Variants in BCAM observed in about 807,000 individuals in gnomAD.
BCAM encodes basal cell adhesion molecule.
In BCAM, 61 loss-of-function variants were observed where a neutral mutation model predicts 72.4. That is an observed-to-expected ratio of 0.84 (90% CI 0.69 to 1.04). BCAM has a LOEUF of 1.04. Ranked by LOEUF, BCAM falls within the 50% of genes least tolerant of loss-of-function variation. BCAM has a pLI of 0.00. For missense variants in BCAM, 909 were observed against 895.0 expected (o/e 1.02, Z -0.20); for synonymous variants, 408 against 384.2 (o/e 1.06, Z -0.73).
intron 1 of BCAM, among the ~76,000 whole-genome samples, chr19:44,810,582 A>G (rs1025125506): frequency 1.3e-5 from 2 of 152,194 alleles, no homozygotes; most frequent in African/African-American, 4.8e-5. Context: ...AGGGACAGAG[A>G]TGGAGACCCA....
rs148674435 is a variant in BCAM at position 44,818,813 on chromosome 19, G to A, written c.1267G>A (p.Val423Ile). 33 of 1,613,960 alleles carry A rather than the reference G, an allele frequency of 2.0e-5. No individual in the cohort carries two copies. The African/African-American group carries it at 2.1e-4, about 10-fold the overall frequency. Residue 423 changes from valine to isoleucine, a missense_variant, in exon 10 of 15, where the codon GTA (valine) becomes ATA (isoleucine). By Grantham distance (29) the Val-to-Ile change is conservative. Transcript: ENST00000270233. This position sits in a 1 kb window ranked among gnomAD's most constrained non-coding sequence, Gnocchi z 4.6. Reference protein sequence around the residue: ...SITFDSNGTYVCEASLPTVPV... With the variant: ...SITFDSNGTYICEASLPTVPV... Reference sequence around the variant, plus strand: ...CACCTTCGATTCCAATGGCACCTACGTATGTGAGGCCTCCCTGCCCACAGT... The same window carrying A: ...CACCTTCGATTCCAATGGCACCTACATATGTGAGGCCTCCCTGCCCACAGT...
chr19:44,810,357 G>A (rs1256541479), intron 1 of BCAM, among the ~76,000 whole-genome samples: 1 of 152,100 alleles, frequency 6.6e-6, no homozygotes, highest in Admixed American at 6.5e-5. Context: ...CCAAGAGGCG[G>A]CTGGGGGCTC....
intron 1 of BCAM, among the ~76,000 whole-genome samples, chr19:44,810,767 C>G (rs1360561947): frequency 6.6e-6 from 1 of 152,202 alleles, no homozygotes; most frequent in Non-Finnish European, 1.5e-5. Flanking sequence ...AGTATTACCC[C>G]AGGAGTGTTC....
Position 44,812,646 on chromosome 19 carries a change from G to T in BCAM, c.504+98G>T. On this transcript the variant is annotated intron_variant, in intron 4 of 14. Transcript: ENST00000270233. This position sits in a 1 kb window ranked among gnomAD's most constrained non-coding sequence, Gnocchi z 5.3. Reference sequence around the variant, plus strand: ...AGGGAGGAGGGGCTGGGGACCCCTGGGTAATAAAGGAGGAGGGGTAAGGCC... The same window carrying T: ...AGGGAGGAGGGGCTGGGGACCCCTGTGTAATAAAGGAGGAGGGGTAAGGCC... The T allele has an allele frequency of 7.0e-7, 1 of 1,421,106 alleles. No individual in the cohort carries two copies. Among genetic ancestry groups the T allele is most frequent in the Non-Finnish European group, 9.6e-7 (1 of 1,041,914 alleles). The allele number at this position is 1,421,106 out of a possible 1,614,324, so 88.0% of individuals were successfully genotyped here.
rs1568574840 is a variant in BCAM at position 44,819,685 on chromosome 19, A to AG, written c.1727dup (p.Cys578LeufsTer130). The stretch of plus-strand genomic sequence containing the variant: ...CTGTCTTCTACTGCGTGAGACGCAA[A>AG]GGGGGCCCCTGCTGCCGCCAGCGGC... On this transcript the variant is annotated frameshift_variant, in exon 13 of 15. Coordinates refer to ENST00000270233, the MANE Select transcript of BCAM (RefSeq NM_005581.5). LOFTEE classifies it high-confidence loss of function. The AG allele has an allele frequency of 5.6e-6, 9 of 1,612,450 alleles. No homozygotes were observed. Among genetic ancestry groups the AG allele is most frequent in the Non-Finnish European group, 6.8e-6 (8 of 1,179,156 alleles).
rs547614116 is a variant in BCAM, at chr19:44,819,064, G to A, written c.1345G>A (p.Glu449Lys). Residue 449 changes from glutamate to lysine, a missense_variant, in exon 11 of 15, where the codon GAG (glutamate) becomes AAG (lysine). Physicochemically the swap from Glu to Lys is moderately conservative, Grantham distance 56. Transcript: ENST00000270233. The part of the protein sequence containing the change: ...NFTLLVQGSP[E>K]LKTAEIEPKA... ...ATCCCCACCACCCACAGGCTCGCCAGAGCTAAAGACAGCGGAAATAGAGCC... is the reference window on the plus strand; with the variant it reads ...ATCCCCACCACCCACAGGCTCGCCAAAGCTAAAGACAGCGGAAATAGAGCC... The A allele has an allele frequency of 6.2e-7, 1 of 1,613,964 alleles. No homozygotes were observed. The highest frequency in any genetic ancestry group is 2.2e-5 in the East Asian group (1 of 44,874).
rs1411219349 is a variant in BCAM, at chr19:44,814,234, G to T, written c.867G>T (p.Leu289=). ...TACGCGAGGGTGACACTGTCCAGCT[G>T]CTCTGCCGGGGGGACGGCAGCCCCA... is the stretch of plus-strand genomic sequence containing the variant. ...GWVREGDTVQ[L]LCRGDGSPSP... is the part of the protein sequence containing the mutation. The change falls in exon 7 of 15, where the codon CTG becomes CTT. Residue 289 remains leucine, a synonymous_variant. Transcript: ENST00000270233. The surrounding 1 kb of genome is among the most constrained non-coding windows in gnomAD (Gnocchi z 4.6). The T allele has an allele frequency of 6.3e-7, 1 of 1,588,894 alleles. No homozygotes were observed. Among genetic ancestry groups the T allele is most frequent in the Non-Finnish European group, 8.5e-7 (1 of 1,173,614 alleles).
Position 44,821,248 on chromosome 19 carries a change from T to G in BCAM, c.*327T>G. Reference sequence around the variant, plus strand: ...TCGGCTGGCCGGAGCTATTTTTACCTCCCGCCTCCCCTGCTGGTCCCCCCA... The same window carrying G: ...TCGGCTGGCCGGAGCTATTTTTACCGCCCGCCTCCCCTGCTGGTCCCCCCA... On this transcript the variant is annotated 3_prime_UTR_variant, in exon 15 of 15. Coordinates refer to ENST00000270233, the MANE Select transcript of BCAM (RefSeq NM_005581.5). The G allele has an allele frequency of 3.2e-6, 1 of 316,070 alleles. No individual in the cohort carries two copies. Among genetic ancestry groups the G allele is most frequent in the Non-Finnish European group, 5.8e-6 (1 of 171,996 alleles). The allele number at this position is 316,070 out of a possible 1,614,324, so 19.6% of individuals were successfully genotyped here. A position where few individuals can be genotyped will look rare whatever the true frequency, so the allele number is the denominator to read the frequency against.
In BCAM at chr19:44,820,692, C is replaced by G; in HGVS notation, c.1764-13C>G. 1 of 1,404,104 alleles carries G rather than the reference C, an allele frequency of 7.1e-7. No individual in the cohort carries two copies. The highest frequency in any genetic ancestry group is 1.7e-5 in the South Asian group (1 of 60,118). 87.0% of individuals were successfully genotyped at this position (1,404,104 alleles called of 1,614,324 possible). ...CCAACACGACGCCTCCGCCCGCTGC[C>G]TCCTCCCCCCAGGCCGCCAGGGGAG... is the stretch of plus-strand genomic sequence containing the variant. On this transcript the variant is annotated splice_polypyrimidine_tract_variant and intron_variant, in intron 13 of 14. Transcript: ENST00000270233.
chr19:44,821,307 TC>T lies in BCAM; in HGVS notation c.*394del, dbSNP rs1305933662. The T allele has an allele frequency of 5.1e-4, 99 of 194,954 alleles. No homozygotes were observed. Among genetic ancestry groups the T allele is most frequent in the Middle Eastern group, 1.9e-3 (1 of 538 alleles). The allele number at this position is 194,954 out of a possible 1,614,324, so 12.1% of individuals were successfully genotyped here. A position where few individuals can be genotyped will look rare whatever the true frequency, so the allele number is the denominator to read the frequency against. On this transcript the variant is annotated 3_prime_UTR_variant, in exon 15 of 15. Coordinates refer to ENST00000270233, the MANE Select transcript of BCAM (RefSeq NM_005581.5). ...CTTGCTGCAGAGTCTGACACTGGAT[TC>T]CCCCCCCTCACCCCGCCCCTGGTCC...
rs774775943 is a variant in BCAM, at chr19:44,819,580, A to G, written c.1619-2A>G. 2 of 1,613,096 alleles carry G rather than the reference A, an allele frequency of 1.2e-6. No homozygotes were observed. Among genetic ancestry groups the G allele is most frequent in the Non-Finnish European group, 1.7e-6 (2 of 1,179,454 alleles). On this transcript the variant is annotated splice_acceptor_variant, in intron 12 of 14. Transcript: ENST00000270233. LOFTEE classifies it high-confidence loss of function. ...ACGCCTCTCTCCATCCTGTCCCTGC[A>G]GTGAGCCCCCAGACCTCCCAGGCTG...
At position 44,812,133 on chromosome 19, in the gene BCAM, C is replaced by T. The variant is rs367621876; in HGVS notation, c.205-30C>T. ...AGAGACTGAGGAGCGCTGGGACACC[C>T]GGAGCTGAGAGCCTGCCCCGCGCCC... On this transcript the variant is annotated intron_variant, in intron 2 of 14. Transcript: ENST00000270233. The surrounding 1 kb of genome is among the most constrained non-coding windows in gnomAD (Gnocchi z 5.3). The T allele has an allele frequency of 1.7e-5, 26 of 1,565,700 alleles. No homozygotes were observed. In the African/African-American group the frequency reaches 2.0e-4, roughly 12 times the overall value.
chr19:44,820,729 C>T lies in BCAM; in HGVS notation c.1788C>T (p.Ser596=). 6.9e-7 allele frequency: 1 copy of T among 1,443,534 alleles called. No homozygotes were observed. The highest frequency in any genetic ancestry group is 2.6e-5 in the East Asian group (1 of 37,782). The allele number at this position is 1,443,534 out of a possible 1,614,324, so 89.4% of individuals were successfully genotyped here. A position where few individuals can be genotyped will look rare whatever the true frequency, so the allele number is the denominator to read the frequency against. The stretch of plus-strand genomic sequence containing the variant: ...GGCCGCCAGGGGAGCCAGGGCTGAG[C>T]CACTCGGGGTCGGAGCAACCAGAGC... ...GAPPPGEPGL[S]HSGSEQPEQT... Residue 596 remains serine (S), a synonymous_variant, in exon 14 of 15, where the codon AGC becomes AGT. Coordinates refer to ENST00000270233, the MANE Select transcript of BCAM (RefSeq NM_005581.5).
At chr19:44,820,409 C>T (rs1968568697) in intron 13 of BCAM, 2 of 1,177,798 alleles carry the variant, frequency 1.7e-6, no homozygotes, top group South Asian at 4.0e-5. Context: ...GTCTCCAGCC[C>T]CAACCACATG....
rs767917162 is a variant in BCAM at position 44,818,545 on chromosome 19, G to A, written c.1102G>A (p.Glu368Lys). ...AGATCTGGACCCCCTGGAGCTCAGCGAGGGGAAGGTGCTTTCCTTACCTCT... is the reference window on the plus strand; with the variant it reads ...AGATCTGGACCCCCTGGAGCTCAGCAAGGGGAAGGTGCTTTCCTTACCTCT... ...VAYLDPLELS[E>K]GKVLSLPLNS... Residue 368 changes from glutamate (E) to lysine (K), a missense_variant, in exon 9 of 15, where the codon GAG (glutamate) becomes AAG (lysine). By Grantham distance (56) the Glu-to-Lys change is moderately conservative. Coordinates refer to ENST00000270233, the MANE Select transcript of BCAM (RefSeq NM_005581.5). The surrounding 1 kb of genome is among the most constrained non-coding windows in gnomAD (Gnocchi z 4.6). 33 of 1,613,992 alleles carry A rather than the reference G, an allele frequency of 2.0e-5. No homozygotes were observed. The highest frequency in any genetic ancestry group is 2.6e-5 in the Non-Finnish European group (31 of 1,179,954).
intron 13 of BCAM, 76 bp from the exon 14 acceptor site, chr19:44,820,629 A>AC: frequency 3.5e-6 from 3 of 866,752 alleles, no homozygotes; most frequent in Non-Finnish European, 4.2e-6. Flanking sequence ...AGTCCCACCC[A>AC]CCCCCATCCT....
At chr19:44,810,342 G>A (rs1311122929) in intron 1 of BCAM, among the ~76,000 whole-genome samples, 1 of 152,094 alleles carries the variant, frequency 6.6e-6, no homozygotes, top group Non-Finnish European at 1.5e-5. Flanking sequence ...TCAAACTGAG[G>A]GGGGCCAAGA....
chr19:44,821,061 G>T lies in BCAM; in HGVS notation c.*140G>T, dbSNP rs1236315659. 3.4e-6 allele frequency: 4 copies of T among 1,183,174 alleles called. No individual in the cohort carries two copies. The highest frequency in any genetic ancestry group is 1.6e-5 in the African/African-American group (1 of 62,500). The allele number at this position is 1,183,174 out of a possible 1,614,324, so 73.3% of individuals were successfully genotyped here. On this transcript the variant is annotated 3_prime_UTR_variant, in exon 15 of 15. Coordinates refer to ENST00000270233, the MANE Select transcript of BCAM (RefSeq NM_005581.5). ...CCAGCCCTCCCTTCCTTCCTCTGCC[G>T]GCAAGGCAGGGACCCACAGTGGCTG...
chr19:44,820,687 G>T lies in BCAM; in HGVS notation c.1764-18G>T. 4 of 1,221,462 alleles carry T rather than the reference G, an allele frequency of 3.3e-6. No individual in the cohort carries two copies. Among genetic ancestry groups the T allele is most frequent in the Middle Eastern group, 3.3e-4 (1 of 3,058 alleles). The allele number at this position is 1,221,462 out of a possible 1,614,324, so 75.7% of individuals were successfully genotyped here. A position where few individuals can be genotyped will look rare whatever the true frequency, so the allele number is the denominator to read the frequency against. On this transcript the variant is annotated intron_variant, in intron 13 of 14. Transcript: ENST00000270233. The stretch of plus-strand genomic sequence containing the variant: ...CACCTCCAACACGACGCCTCCGCCC[G>T]CTGCCTCCTCCCCCCAGGCCGCCAG...
Sources: allele counts gnomAD v4.1 joint callset (sites outside exome capture counted in the v4.1 genomes callset), GRCh38; gene constraint gnomAD v4.1.1; non-coding constraint Gnocchi (gnomAD v3.1); transcripts MANE v1.5; gene names NCBI Gene and HGNC (gene_info 2026-07-23, HGNC 2026-07-21).